Variants in ZNF688 observed in about 807,000 individuals in gnomAD.
ZNF688 encodes zinc finger protein 688.
A neutral mutation model predicts 13.2 loss-of-function variants in ZNF688; 10 were observed. That is an observed-to-expected ratio of 0.76 (90% CI 0.47 to 1.28). ZNF688 has a LOEUF of 1.28. Ranked by LOEUF, ZNF688 falls within the 50% of genes most tolerant of loss-of-function variation. The pLI is 0.00. For synonymous variants in ZNF688, 160 were observed against 159.4 expected (o/e 1.00, Z -0.03); for missense variants, 381 against 391.4 (o/e 0.97, Z 0.22).
upstream of ZNF688, among the ~76,000 whole-genome samples, chr16:30,576,297 C>T (rs1358649525): frequency 6.6e-6 from 1 of 152,174 alleles, no homozygotes; most frequent in African/African-American, 2.4e-5. Context: ...CTGCAAGCTC[C>T]GCTTCCCGGG....
chr16:30,576,968 G>A (rs2051753255), upstream of ZNF688, among the ~76,000 whole-genome samples: 2 of 151,804 alleles, frequency 1.3e-5, no homozygotes, highest in Non-Finnish European at 2.9e-5. Context: ...GTCTCTCCAT[G>A]ATACCCAGGC....
At chr16:30,571,899 T>G (rs1471367595), upstream of ZNF688, 1 of 1,277,292 alleles carries the variant, frequency 7.8e-7, no homozygotes, top group Admixed American at 4.1e-5. Context: ...CTTCTGAAAA[T>G]ATGGCGACCA....
chr16:30,572,222 C>T, upstream of ZNF688: 1 of 1,602,888 alleles, frequency 6.2e-7, no homozygotes, highest in African/African-American at 1.3e-5. Context: ...TGAAGGGACC[C>T]CGCGGTCCTG....
chr16:30,573,844 A>G, upstream of ZNF688: 1 of 369,158 alleles, frequency 2.7e-6, no homozygotes, highest in Non-Finnish European at 5.4e-6. Flanking sequence ...TGCTTACATT[A>G]TTACCTTGAG....
upstream of ZNF688, among the ~76,000 whole-genome samples, chr16:30,577,637 G>A (rs938738363): frequency 1.3e-5 from 2 of 150,966 alleles, no homozygotes; most frequent in African/African-American, 2.4e-5. Flanking sequence ...GCCTCCCAAA[G>A]TGCTGGAATT....
upstream of ZNF688, among the ~76,000 whole-genome samples, chr16:30,576,632 C>T (rs1201288271): frequency 5.9e-5 from 9 of 152,190 alleles, no homozygotes; most frequent in Admixed American, 3.3e-4. Context: ...GGATTATAGG[C>T]GTGAGCCACC....
At chr16:30,571,877 C>T (rs1056555098), upstream of ZNF688, 1 of 1,279,748 alleles carries the variant, frequency 7.8e-7, no homozygotes. Context: ...GGTTAAGGGA[C>T]CCGGAAGGTG....
Position 30,570,049 on chromosome 16 carries a change from T to C in ZNF688, c.698A>G (p.His233Arg). The C allele has an allele frequency of 6.2e-7, 1 of 1,610,772 alleles. No homozygotes were observed. The highest frequency in any genetic ancestry group is 8.5e-7 in the Non-Finnish European group (1 of 1,179,236). ...KFAVEAHQWIHRSCSGGRRGR... is the reference protein window; with the variant it reads ...KFAVEAHQWIRRSCSGGRRGR... Reference sequence around the variant, plus strand: ...CCGCCGCCCCCCGGAGCAGGAGCGGTGGATCCACTGGTGCGCTTCCACTGC... The same window carrying C: ...CCGCCGCCCCCCGGAGCAGGAGCGGCGGATCCACTGGTGCGCTTCCACTGC... The change falls in exon 3 of 3, where the codon CAC (histidine) becomes CGC (arginine). Residue 233 changes from histidine (H) to arginine (R), a missense_variant. Physicochemically the swap from His to Arg is conservative, Grantham distance 29. Transcript: ENST00000223459.
chr16:30,577,574 C>G (rs777458712), upstream of ZNF688, among the ~76,000 whole-genome samples: 2 of 151,774 alleles, frequency 1.3e-5, no homozygotes, highest in African/African-American at 2.4e-5. Flanking sequence ...CAGGGTTTCA[C>G]CATGTTGGCC....
At chr16:30,572,511 C>T, upstream of ZNF688, 1 of 410,932 alleles carries the variant, frequency 2.4e-6, no homozygotes, top group Non-Finnish European at 4.3e-6. Context: ...GGCGAAGGAA[C>T]GTGCTTGGTG....
At position 30,571,015 on chromosome 16, in the gene ZNF688, C is replaced by T. The variant is rs140054402; in HGVS notation, c.305G>A (p.Arg102Gln). ...GACCCGGGACTATCCCTCACCTCTC[C>T]GAGCTCCTCCCAGTCTTTCCCCCTT... Reference protein sequence around the residue: ...PEKGERLGGARRGDVPNRKEE... With the variant: ...PEKGERLGGAQRGDVPNRKEE... Residue 102 changes from arginine (R) to glutamine (Q), a missense_variant, in exon 2 of 3, where the codon CGG (arginine) becomes CAG (glutamine). By Grantham distance (43) the Arg-to-Gln change is conservative. Coordinates refer to ENST00000223459, the MANE Select transcript of ZNF688 (RefSeq NM_145271.4). The T allele has an allele frequency of 6.2e-7, 1 of 1,613,804 alleles. No individual in the cohort carries two copies. The highest frequency in any genetic ancestry group is 1.3e-5 in the African/African-American group (1 of 74,906).
chr16:30,571,424 G>T lies in ZNF688; in HGVS notation c.196+10C>A. 6.4e-7 allele frequency: 1 copy of T among 1,558,996 alleles called. No homozygotes were observed. The highest frequency in any genetic ancestry group is 8.7e-7 in the Non-Finnish European group (1 of 1,152,276). The stretch of plus-strand genomic sequence containing the variant: ...TGAAGGAGGAGGGGGCTCGGACCCG[G>T]GGCTCTCACCGAGCGCGCCCAGGTG... On this transcript the variant is annotated intron_variant, in intron 1 of 2. Transcript: ENST00000223459.
At position 30,571,539 on chromosome 16, in the gene ZNF688, C is replaced by T. The variant is rs1434065729; in HGVS notation, c.91G>A (p.Val31Met). 3 of 1,585,868 alleles carry T rather than the reference C, an allele frequency of 1.9e-6. No homozygotes were observed. Among genetic ancestry groups the T allele is most frequent in the African/African-American group, 1.3e-5 (1 of 74,364 alleles). The change falls in exon 1 of 3, where the codon GTG becomes ATG. Residue 31 changes from valine to methionine, a missense_variant. Transcript: ENST00000223459. Reference protein sequence around the residue: ...RKPGTVSFADVAVYFSPEEWG... With the variant: ...RKPGTVSFADMAVYFSPEEWG... ...TCCTCCGGGGAGAAGTACACGGCCA[C>T]GTCCGCGAAGCTCACAGTCCCGGGC...
upstream of ZNF688, chr16:30,571,858 A>T (rs1220894625): frequency 7.8e-7 from 1 of 1,285,140 alleles, no homozygotes; most frequent in African/African-American, 1.5e-5. Flanking sequence ...GCTTGGACAT[A>T]GACACCCGGG....
chr16:30,578,344 A>G, the ZNF688 span: 1 of 152,280 alleles, frequency 6.6e-6, no homozygotes, highest in South Asian at 2.1e-4. Flanking sequence ...AGAAATAACA[A>G]GAACAACAAA....
rs765009595 is a variant in ZNF688 at position 30,571,585 on chromosome 16, C to A, written c.45G>T (p.Glu15Asp). The A allele has an allele frequency of 1.3e-6, 2 of 1,541,862 alleles. No homozygotes were observed. Among genetic ancestry groups the A allele is most frequent in the Non-Finnish European group, 8.7e-7 (1 of 1,145,360 alleles). The change falls in exon 1 of 3, where the codon GAG (glutamate) becomes GAT (aspartate). Residue 15 changes from glutamate to aspartate, a missense_variant. Coordinates refer to ENST00000223459, the MANE Select transcript of ZNF688 (RefSeq NM_145271.4). ...PAPLLAPRPG[E>D]TRPGCRKPGT... ...CGGGCTTCCTGCAACCAGGCCGGGTCTCCCCGGGCCTCGGCGCCAGGAGCG... is the reference window on the plus strand; with the variant it reads ...CGGGCTTCCTGCAACCAGGCCGGGTATCCCCGGGCCTCGGCGCCAGGAGCG...
chr16:30,572,454 C>T (rs978632962), upstream of ZNF688: 4 of 580,534 alleles, frequency 6.9e-6, no homozygotes, highest in East Asian at 3.5e-5. Flanking sequence ...CCACCCAGCC[C>T]CTGGCATCCG....
At chr16:30,573,170 G>A (rs1339180877), upstream of ZNF688, among the ~76,000 whole-genome samples, 1 of 152,190 alleles carries the variant, frequency 6.6e-6, no homozygotes, top group Admixed American at 6.5e-5. Flanking sequence ...GCCTCCCAAA[G>A]TGCTGGGATT....
chr16:30,579,680 C>A, the ZNF688 span: 1 of 417,634 alleles, frequency 2.4e-6, no homozygotes, highest in Non-Finnish European at 4.9e-6. Context: ...GTGCCCGGCA[C>A]CAGTTCCCAT....
Sources: allele counts gnomAD v4.1 joint callset (sites outside exome capture counted in the v4.1 genomes callset), GRCh38; gene constraint gnomAD v4.1.1; transcripts MANE v1.5; gene names NCBI Gene and HGNC (gene_info 2026-07-23, HGNC 2026-07-21).